Variants in CSGALNACT1 observed in about 807,000 individuals in gnomAD.
The protein encoded by CSGALNACT1 is chondroitin sulfate N-acetylgalactosaminyltransferase 1, also known as beta4GalNAcT-1.
A neutral mutation model predicts 51.0 loss-of-function variants in CSGALNACT1; 52 were observed. The observed-to-expected ratio is 1.02, with a 90% confidence interval of 0.82 to 1.29. The LOEUF is 1.29. Ranked by LOEUF, CSGALNACT1 falls within the 50% of genes most tolerant of loss-of-function variation. The probability of loss-of-function intolerance (pLI) is 0.00; values close to 1 mark genes in which losing one functional copy is unlikely to be tolerated. For synonymous variants in CSGALNACT1, 341 were observed against 254.4 expected (o/e 1.34, Z -3.24); for missense variants, 935 against 679.2 (o/e 1.38, Z -4.19).
chr8:19,679,641 T>C (rs1279035994), intron 1 of CSGALNACT1, among the ~76,000 whole-genome samples: 4 of 152,094 alleles, frequency 2.6e-5, no homozygotes, highest in Admixed American at 2.6e-4. Flanking sequence ...TTTCAACCTG[T>C]GCACAAAGGA....
At chr8:19,546,236 C>A (rs1195642258) in intron 3 of CSGALNACT1, among the ~76,000 whole-genome samples, 1 of 152,186 alleles carries the variant, frequency 6.6e-6, no homozygotes, top group Admixed American at 6.5e-5. Context: ...TATATAAATA[C>A]ATAAAACATG....
chr8:19,457,242 T>C lies in CSGALNACT1; in HGVS notation c.851+1184A>G, dbSNP rs61673676. 3.1e-3 allele frequency among the ~76,000 whole-genome samples: 469 copies of C among 152,362 alleles called. 7 individuals are homozygous for C. The East Asian group carries it at 0.051, about 17-fold the overall frequency. ...TTTAAATTCAAACAGAGTACGCTCATGAACCAGAATTTTGAAAGGTATCAA... is the reference window on the plus strand; with the variant it reads ...TTTAAATTCAAACAGAGTACGCTCACGAACCAGAATTTTGAAAGGTATCAA... On this transcript the variant is annotated intron_variant, in intron 5 of 9. Coordinates refer to ENST00000454498, the Ensembl canonical transcript of CSGALNACT1.
chr8:19,439,838 G>A, exon 6 of CSGALNACT1: 1 of 1,611,742 alleles, frequency 6.2e-7, no homozygotes, highest in Non-Finnish European at 8.5e-7. Flanking sequence ...ACTTGGAAGT[G>A]TTTTCAAGTA....
intron 1 of CSGALNACT1, among the ~76,000 whole-genome samples, chr8:19,651,568 A>C (rs1436417526): frequency 1.3e-5 from 2 of 152,176 alleles, no homozygotes; most frequent in East Asian, 1.9e-4. Context: ...CTCCAGCTCC[A>C]TACTTGTTGC....
intron 6 of CSGALNACT1, among the ~76,000 whole-genome samples, chr8:19,429,378 T>C (rs2059306487): frequency 6.6e-6 from 1 of 152,100 alleles, no homozygotes; most frequent in Non-Finnish European, 1.5e-5. Flanking sequence ...GGTTTCACCA[T>C]GTTGGCCAGG....
chr8:19,666,943 A>AAAAG lies in CSGALNACT1; in HGVS notation c.-544+15526_-544+15529dup, dbSNP rs1159962282. 2.5e-4 allele frequency among the ~76,000 whole-genome samples: 20 copies of AAAAG among 79,476 alleles called. 2 individuals are homozygous for AAAAG. The highest frequency in any genetic ancestry group is 4.7e-4 in the South Asian group (1 of 2,140). 52.1% of individuals were successfully genotyped at this position (79,476 alleles called of 152,430 possible). On this transcript the variant is annotated intron_variant, in intron 1 of 9. Transcript: ENST00000332246. ...GAAGGGAGAGACAGAGAGAGAGAGAAAAAGAAAGAAAGAAAGAAAGAAAGA... is the reference window on the plus strand; with the variant it reads ...GAAGGGAGAGACAGAGAGAGAGAGAAAAAGAAAGAAAGAAAGAAAGAAAGAAAGA...
At chr8:19,645,777 G>C (rs2057218630) in intron 1 of CSGALNACT1, among the ~76,000 whole-genome samples, 1 of 152,134 alleles carries the variant, frequency 6.6e-6, no homozygotes, top group South Asian at 2.1e-4. Context: ...GAATGATATG[G>C]CAGCAGCCTG....
chr8:19,634,849 G>C (rs1181632584), intron 1 of CSGALNACT1, among the ~76,000 whole-genome samples: 1 of 152,128 alleles, frequency 6.6e-6, no homozygotes, highest in Non-Finnish European at 1.5e-5. Context: ...TAACCACTCG[G>C]CCTATGGTAT....
At chr8:19,618,641 AAAAAAAAAAAAAAAAG>A (rs1191639640) in intron 1 of CSGALNACT1, among the ~76,000 whole-genome samples, 1 of 144,032 alleles carries the variant, frequency 6.9e-6, no homozygotes, top group Non-Finnish European at 1.5e-5. Context: ...AAAAAAAAAA[AAAAAAAAAAAAAAAAG>A]AAAGAAAGAA....
intron 4 of CSGALNACT1, among the ~76,000 whole-genome samples, chr8:19,490,081 G>A (rs578138348): frequency 6.6e-6 from 1 of 152,154 alleles, no homozygotes; most frequent in Non-Finnish European, 1.5e-5. Flanking sequence ...CTAACTCTGG[G>A]ATTCGAGTAT....
chr8:19,670,252 T>C (rs147029838), intron 1 of CSGALNACT1, among the ~76,000 whole-genome samples: 11 of 152,268 alleles, frequency 7.2e-5, no homozygotes, highest in South Asian at 2.1e-4. Flanking sequence ...TCAGTGCCCA[T>C]TGCAGTACCT....
At chr8:19,556,418 A>G (rs554158683) in intron 3 of CSGALNACT1, among the ~76,000 whole-genome samples, 60 of 152,180 alleles carry the variant, frequency 3.9e-4, no homozygotes, top group Non-Finnish European at 3.8e-4. Flanking sequence ...ATTATGGAAC[A>G]AAATCCTACT....
At chr8:19,691,969 A>G (rs1002232140) in intron 1 of CSGALNACT1, among the ~76,000 whole-genome samples, 25 of 152,210 alleles carry the variant, frequency 1.6e-4, no homozygotes, top group Non-Finnish European at 1.2e-4. Context: ...ACAGTTCTTC[A>G]TGACTGGGGA....
At chr8:19,722,202 C>A (rs556631332) in intron 1 of CSGALNACT1, among the ~76,000 whole-genome samples, 53 of 152,142 alleles carry the variant, frequency 3.5e-4, no homozygotes, top group African/African-American at 1.3e-3. Context: ...AAGAAATTGG[C>A]GCTTGAGACC....
At chr8:19,536,314 G>T (rs1386512983) in intron 3 of CSGALNACT1, among the ~76,000 whole-genome samples, 1 of 148,364 alleles carries the variant, frequency 6.7e-6, no homozygotes, top group Non-Finnish European at 1.5e-5. Context: ...TCTTCATTTT[G>T]CTCTGAACTT....
At chr8:19,672,583 C>T (rs2059877187) in intron 1 of CSGALNACT1, among the ~76,000 whole-genome samples, 1 of 152,178 alleles carries the variant, frequency 6.6e-6, no homozygotes, top group Non-Finnish European at 1.5e-5. Flanking sequence ...TGCTTAATAG[C>T]AGAAAACCCT....
In CSGALNACT1 at chr8:19,601,604, T is replaced by C. The variant is rs531074025; in HGVS notation, c.-416+167A>G. 1.8e-4 allele frequency among the ~76,000 whole-genome samples: 27 copies of C among 152,338 alleles called. No homozygotes were observed. In the South Asian group the frequency reaches 4.6e-3, roughly 26 times the overall value. ...ATGAAAAGGATTCAATGGAGCCAAG[T>C]AATTGTATTATTTTGGAAGAAGTAT... On this transcript the variant is annotated intron_variant, in intron 2 of 9. Transcript: ENST00000454498.
intron 1 of CSGALNACT1, among the ~76,000 whole-genome samples, chr8:19,637,889 T>A (rs1227919969): frequency 1.3e-5 from 2 of 151,274 alleles, no homozygotes. Context: ...TGCCCAGCGC[T>A]GATATTAGTT....
chr8:19,682,442 C>G, intron 1 of CSGALNACT1: 2 of 299,602 alleles, frequency 6.7e-6, no homozygotes, highest in Admixed American at 4.2e-5. Flanking sequence ...AATTTCACAC[C>G]CAATAAAGGA....
Sources: gnomAD v4.1 joint callset for allele counts (sites outside exome capture counted in the v4.1 genomes callset) on GRCh38, gnomAD v4.1.1 for gene constraint, MANE v1.5 for transcripts, NCBI Gene and HGNC (gene_info 2026-07-23, HGNC 2026-07-21) for gene names.